ERGIC3: variants seen among roughly 807,000 people sequenced by gnomAD.
ERGIC3 encodes the protein endoplasmic reticulum-Golgi intermediate compartment protein 3.
In ERGIC3, 33 loss-of-function variants were observed where a neutral mutation model predicts 54.7. That is an observed-to-expected ratio of 0.60 (90% CI 0.46 to 0.81). The LOEUF (loss-of-function observed/expected upper bound fraction) is 0.81. ERGIC3 is among the 30% of genes least tolerant of loss of function. ERGIC3 has a pLI of 0.00. For missense variants in ERGIC3, 399 were observed against 488.4 expected (o/e 0.82, Z 1.73); for synonymous variants, 186 against 189.8 (o/e 0.98, Z 0.16).
chr20:35,550,273 A>C (rs2064674430), intron 7 of ERGIC3, among the ~76,000 whole-genome samples: 1 of 152,118 alleles, frequency 6.6e-6, no homozygotes, highest in Non-Finnish European at 1.5e-5. Flanking sequence ...CAAGTTCAAG[A>C]TACAGTAAGA....
At chr20:35,557,137 G>GGGGCCT (rs761500442) in intron 11 of ERGIC3, 28 bp downstream of exon 11, 1 of 1,614,094 alleles carries the variant, frequency 6.2e-7, no homozygotes, top group Admixed American at 1.7e-5. Flanking sequence ...GCGGCCTCTG[G>GGGGCCT]GGGCCTGGGC....
In ERGIC3 at chr20:35,547,479, C is replaced by A. The variant is rs747291377; in HGVS notation, c.435C>A (p.Cys145Ter). The change falls in exon 5 of 13, where the codon TGC becomes TGA. Residue 145 changes from cysteine (C) to a stop codon, truncating the protein, a stop_gained. Transcript: ENST00000348547. LOFTEE classifies it high-confidence loss of function. ...DSLDPDRCESCYGAEAEDIKC... is the reference protein window; with the variant it reads ...DSLDPDRCES Reference sequence around the variant, plus strand: ...TGGACCCTGATCGCTGTGAGAGCTGCTATGGTGCTGAGGCAGAAGATATCA... The same window carrying A: ...TGGACCCTGATCGCTGTGAGAGCTGATATGGTGCTGAGGCAGAAGATATCA... The A allele has an allele frequency of 6.2e-7, 1 of 1,614,046 alleles. No individual in the cohort carries two copies. Among genetic ancestry groups the A allele is most frequent in the Non-Finnish European group, 8.5e-7 (1 of 1,179,988 alleles).
intron 4 of ERGIC3, 130 bp downstream of exon 4, chr20:35,543,071 G>A: frequency 7.3e-7 from 1 of 1,376,374 alleles, no homozygotes; most frequent in Admixed American, 1.9e-5. Flanking sequence ...CAAGTGACTT[G>A]CCTAGGGTCC....
chr20:35,547,563 T>C, intron 5 of ERGIC3, 58 bp downstream of exon 5: 1 of 1,496,132 alleles, frequency 6.7e-7, no homozygotes, highest in Admixed American at 1.7e-5. Flanking sequence ...TCAGTCAGCC[T>C]CAGCCTCAGT....
Position 35,551,155 on chromosome 20 carries a change from G to A in ERGIC3, c.685+2290G>A, listed in dbSNP as rs575745587. Among the ~76,000 whole-genome samples, 5 of 152,212 alleles carry A rather than the reference G, an allele frequency of 3.3e-5. No individual in the cohort carries two copies. In the South Asian group the frequency reaches 6.2e-4, roughly 19 times the overall value. ...AAAAAATGCAAAAAATCAGCCGGGCGTAGCGGCGTGCGCCTGTAGTCCCAG... is the reference window on the plus strand; with the variant it reads ...AAAAAATGCAAAAAATCAGCCGGGCATAGCGGCGTGCGCCTGTAGTCCCAG... On this transcript the variant is annotated intron_variant, in intron 7 of 12. Coordinates refer to ENST00000348547, the MANE Select transcript of ERGIC3 (RefSeq NM_015966.3).
In ERGIC3 at chr20:35,542,179, G is replaced by A. The variant is rs1197043468; in HGVS notation, c.82G>A (p.Ala28Thr). Residue 28 changes from alanine to threonine, a missense_variant, in exon 1 of 13, where the codon GCC becomes ACC. Transcript: ENST00000348547. ...EDFRVKTCGG[A>T]TVTIVSGLLM... is the part of the protein sequence containing the mutation. ...CTTCCGGGTCAAGACCTGCGGGGGCGCCACCGGTAGGCCGCAGCGGGGCCG... is the reference window on the plus strand; with the variant it reads ...CTTCCGGGTCAAGACCTGCGGGGGCACCACCGGTAGGCCGCAGCGGGGCCG... 1 of 1,578,030 alleles carries A rather than the reference G, an allele frequency of 6.3e-7. No homozygotes were observed. The highest frequency in any genetic ancestry group is 8.6e-7 in the Non-Finnish European group (1 of 1,161,210).
chr20:35,548,945 T>A, intron 7 of ERGIC3, 80 bp downstream of exon 7: 1 of 1,537,274 alleles, frequency 6.5e-7, no homozygotes, highest in Middle Eastern at 1.7e-4. Context: ...TTCTGCCTGC[T>A]GCTCATTTGT....
At chr20:35,556,307 C>T (rs777574918) in intron 10 of ERGIC3, 36 bp downstream of exon 10, 45 of 1,608,042 alleles carry the variant, frequency 2.8e-5, no homozygotes, top group South Asian at 7.7e-5. Context: ...GTCTCCTGCG[C>T]GGTGCCAAGC....
intron 7 of ERGIC3, among the ~76,000 whole-genome samples, chr20:35,551,366 C>T (rs2064680885): frequency 1.3e-5 from 2 of 151,310 alleles, no homozygotes; most frequent in Admixed American, 6.6e-5. Context: ...TTTAGATGTT[C>T]GGAAATGGGA....
intron 4 of ERGIC3, 152 bp downstream of exon 4, chr20:35,543,093 A>G: frequency 9.3e-7 from 1 of 1,078,902 alleles, no homozygotes; most frequent in Non-Finnish European, 1.3e-6. Context: ...CCAGCTAGTA[A>G]GAGTCAGAGT....
rs904502748 is a variant in ERGIC3 at position 35,549,045 on chromosome 20, C to T, written c.685+180C>T. ...GAGCACAGGCCGAGGAGCCAGACTG[C>T]CTGCATTCAGATACCAGTTTCAGAC... On this transcript the variant is annotated intron_variant, in intron 7 of 12. Transcript: ENST00000348547. The T allele has an allele frequency of 1.7e-5, 12 of 717,980 alleles. No individual in the cohort carries two copies. The African/African-American group carries it at 1.9e-4, about 12-fold the overall frequency. The allele number at this position is 717,980 out of a possible 1,614,324, so 44.5% of individuals were successfully genotyped here.
chr20:35,547,623 G>A (rs79636727), intron 5 of ERGIC3, 118 bp downstream of exon 5: 30,712 of 836,366 alleles, frequency 0.037, 1,103 homozygotes, highest in South Asian at 0.13. Flanking sequence ...AGTGGGCGGG[G>A]TATGTGCCTC....
chr20:35,557,311 G>GT, intron 12 of ERGIC3, 62 bp downstream of exon 12: 1 of 1,612,038 alleles, frequency 6.2e-7, no homozygotes, highest in Non-Finnish European at 8.5e-7. Flanking sequence ...GGTGCCCCAG[G>GT]TTTGGTTGGG....
chr20:35,555,212 C>T (rs903063802), intron 8 of ERGIC3, 137 bp downstream of exon 8: 9 of 1,066,570 alleles, frequency 8.4e-6, no homozygotes, highest in East Asian at 2.4e-5. Flanking sequence ...GGGATCCAGC[C>T]TGAGGGTTAA....
Position 35,557,495 on chromosome 20 carries a change from G to C in ERGIC3, c.1143G>C (p.Lys381Asn). The change falls in exon 13 of 13, where the codon AAG becomes AAC. Residue 381 changes from lysine to asparagine, a missense_variant. Transcript: ENST00000348547. ...RAIQKKIDLG[K>N]TT ...TCCAGAAGAAAATTGATCTAGGGAAGACAACGTAGTCACCCTCGGTGCTTC... is the reference window on the plus strand; with the variant it reads ...TCCAGAAGAAAATTGATCTAGGGAACACAACGTAGTCACCCTCGGTGCTTC... The C allele has an allele frequency of 1.2e-6, 2 of 1,614,082 alleles. No individual in the cohort carries two copies. The highest frequency in any genetic ancestry group is 1.7e-6 in the Non-Finnish European group (2 of 1,179,978).
chr20:35,554,718 CTAGT>C (rs1808853349), intron 7 of ERGIC3: 2 of 590,914 alleles, frequency 3.4e-6, no homozygotes, highest in Admixed American at 3.0e-5. Flanking sequence ...GCCATCAGCT[CTAGT>C]TAGTGAGAGC....
chr20:35,543,506 T>C (rs1290858182), intron 4 of ERGIC3: 2 of 433,854 alleles, frequency 4.6e-6, no homozygotes, highest in Non-Finnish European at 9.5e-6. Flanking sequence ...ACAGAGTGGG[T>C]ACCCACTTTT....
intron 4 of ERGIC3, chr20:35,543,516 T>C (rs1344998611): frequency 2.3e-6 from 1 of 442,970 alleles, no homozygotes; most frequent in African/African-American, 2.0e-5. Context: ...TACCCACTTT[T>C]ACCTTCCTTT....
chr20:35,552,388 C>T (rs1260604951), intron 7 of ERGIC3, among the ~76,000 whole-genome samples: 6 of 152,076 alleles, frequency 3.9e-5, no homozygotes, highest in Non-Finnish European at 5.9e-5. Flanking sequence ...CCCTGGAGTC[C>T]GCGGCTGTGA....
Sources: gnomAD v4.1 joint callset for allele counts (sites outside exome capture counted in the v4.1 genomes callset) on GRCh38, gnomAD v4.1.1 for gene constraint, MANE v1.5 for transcripts, NCBI Gene and HGNC (gene_info 2026-07-23, HGNC 2026-07-21) for gene names.